FREM2: variants seen among roughly 807,000 people sequenced by gnomAD.
The protein encoded by FREM2 is FRAS1 related extracellular matrix 2, also known as FRAS1-related extracellular matrix protein 2.
Under a neutral mutation model 219.9 loss-of-function variants are expected in FREM2, and 119 were observed. The observed-to-expected ratio is 0.54, with a 90% CI of 0.47 to 0.63. FREM2 has a LOEUF of 0.63. FREM2 is among the 30% of genes least tolerant of loss of function. The pLI is 0.00. For synonymous variants in FREM2, 1,562 were observed against 1,522.8 expected (o/e 1.03, Z -0.60); for missense variants, 4,030 against 3,993.6 (o/e 1.01, Z -0.25).
At chr13:38,812,436 C>T (rs918235580) in intron 6 of FREM2, among the ~76,000 whole-genome samples, 1 of 152,076 alleles carries the variant, frequency 6.6e-6, no homozygotes, top group Non-Finnish European at 1.5e-5. Context: ...TAATGTCTTG[C>T]TTTTTATTTT....
chr13:38,754,901 G>GATGATGATTATTATTATTATTATTATT (rs56270131), intron 2 of FREM2, among the ~76,000 whole-genome samples: 17 of 128,664 alleles, frequency 1.3e-4, no homozygotes, highest in East Asian at 4.7e-4. Flanking sequence ...TGATGATGAT[G>GATGATGATTATTATTATTATTATTATT]ATTATTATTA....
At chr13:38,754,323 T>A (rs891818088) in intron 2 of FREM2, among the ~76,000 whole-genome samples, 2 of 152,174 alleles carry the variant, frequency 1.3e-5, no homozygotes, top group African/African-American at 4.8e-5. Flanking sequence ...GAGCTGATAG[T>A]AGAGGGAAAC....
In FREM2 at chr13:38,757,765, A is replaced by G. The variant is rs148479579; in HGVS notation, c.5264-6539A>G. On this transcript the variant is annotated intron_variant, in intron 2 of 23. Coordinates refer to ENST00000280481, the MANE Select transcript of FREM2 (RefSeq NM_207361.6). ...GCCACCAAGCCCAGCTAACTTTTGT[A>G]TTTTTAGTAGAGACGGGGTTTCACC... 4.5e-3 allele frequency among the ~76,000 whole-genome samples: 676 copies of G among 151,896 alleles called. 11 individuals are homozygous for G. The highest frequency in any genetic ancestry group is 0.015 in the African/African-American group (637 of 41,392).
At chr13:38,865,984 C>T (rs1877947906) in intron 16 of FREM2, among the ~76,000 whole-genome samples, 2 of 152,146 alleles carry the variant, frequency 1.3e-5, no homozygotes, top group South Asian at 4.1e-4. Flanking sequence ...AATAAAGGCT[C>T]ATATTAACAA....
Position 38,859,209 on chromosome 13 carries a change from C to G in FREM2, c.7216-78C>G. 6 of 1,435,772 alleles carry G rather than the reference C, an allele frequency of 4.2e-6. No individual in the cohort carries two copies. The African/African-American group carries it at 5.6e-5, about 13-fold the overall frequency. The allele number at this position is 1,435,772 out of a possible 1,614,324, so 88.9% of individuals were successfully genotyped here. On this transcript the variant is annotated intron_variant, in intron 13 of 23. Transcript: ENST00000280481. ...ATTGGGGAAAGCAGCAGTGAAAACT[C>G]GATGGCAGAGAACGGGAGAAGAATG...
Position 38,688,253 on chromosome 13 carries a change from C to A in FREM2, c.909C>A (p.Phe303Leu), listed in dbSNP as rs753388275. The part of the protein sequence containing the change: ...VGSPALKREH[F>L]QVLVRIRGGA... ...GCCCTGCTTTGAAACGCGAGCACTT[C>A]CAGGTTCTGGTGAGGATCCGAGGAG... Residue 303 changes from phenylalanine (F) to leucine (L), a missense_variant, in exon 1 of 24, where the codon TTC becomes TTA. Physicochemically the swap from Phe to Leu is conservative, Grantham distance 22. This residue lies in a region of FREM2 where 3,102 missense variants were observed against 2,950.7 expected (regional missense o/e 1.05). Coordinates refer to ENST00000280481, the MANE Select transcript of FREM2 (RefSeq NM_207361.6). 4 of 1,613,970 alleles carry A rather than the reference C, an allele frequency of 2.5e-6. No homozygotes were observed. The South Asian group carries it at 4.4e-5, about 18-fold the overall frequency.
chr13:38,723,513 G>C (rs932730607), intron 2 of FREM2, among the ~76,000 whole-genome samples: 3 of 152,284 alleles, frequency 2.0e-5, no homozygotes, highest in African/African-American at 7.2e-5. Flanking sequence ...CCTTCTGGTT[G>C]AGACATGTGT....
intron 3 of FREM2, among the ~76,000 whole-genome samples, chr13:38,765,468 G>C (rs1466430113): frequency 6.6e-6 from 1 of 152,108 alleles, no homozygotes; most frequent in Non-Finnish European, 1.5e-5. Flanking sequence ...AAAGTAAAAA[G>C]TTAGTAAACC....
chr13:38,700,123 C>T (rs1870285436), intron 2 of FREM2, among the ~76,000 whole-genome samples: 1 of 152,022 alleles, frequency 6.6e-6, no homozygotes, highest in African/African-American at 2.4e-5. Context: ...CAACCATCAT[C>T]CATGAATAAC....
chr13:38,803,997 A>G (rs146551586), intron 6 of FREM2, among the ~76,000 whole-genome samples: 2 of 152,162 alleles, frequency 1.3e-5, no homozygotes, highest in Non-Finnish European at 2.9e-5. Flanking sequence ...TTTGAATACA[A>G]TTATTTGCAT....
chr13:38,755,855 T>A (rs1019893930), intron 2 of FREM2, among the ~76,000 whole-genome samples: 1 of 152,220 alleles, frequency 6.6e-6, no homozygotes, highest in Non-Finnish European at 1.5e-5. Context: ...GCATATCACT[T>A]TCCCGTAGGC....
intron 6 of FREM2, among the ~76,000 whole-genome samples, chr13:38,792,553 TTTA>T (rs1874605315): frequency 6.6e-6 from 1 of 152,142 alleles, no homozygotes; most frequent in Non-Finnish European, 1.5e-5. Context: ...TTCTATGTTA[TTTA>T]TTATTGTTGT....
intron 6 of FREM2, among the ~76,000 whole-genome samples, chr13:38,815,200 T>G (rs1443616212): frequency 6.6e-6 from 1 of 152,200 alleles, no homozygotes; most frequent in African/African-American, 2.4e-5. Context: ...CTACTTCCCA[T>G]GAATTGTTTT....
At position 38,874,595 on chromosome 13, in the gene FREM2, C is replaced by T. The variant is rs542074736; in HGVS notation, c.8281+9C>T. On this transcript the variant is annotated intron_variant, in intron 18 of 23. Transcript: ENST00000280481. Reference sequence around the variant, plus strand: ...TGTGCTGTCACATCCCGGTAAGCCCCGTTATCTTTTAACAACCACTCCTCA... The same window carrying T: ...TGTGCTGTCACATCCCGGTAAGCCCTGTTATCTTTTAACAACCACTCCTCA... 7.8e-5 allele frequency: 126 copies of T among 1,607,770 alleles called. No homozygotes were observed. The South Asian group carries it at 1.1e-3, about 14-fold the overall frequency.
At chr13:38,746,976 A>G (rs1402385312) in intron 2 of FREM2, among the ~76,000 whole-genome samples, 1 of 152,160 alleles carries the variant, frequency 6.6e-6, no homozygotes, top group Admixed American at 6.6e-5. Flanking sequence ...TTCCAAAGCC[A>G]TCCAGATATT....
intron 6 of FREM2, among the ~76,000 whole-genome samples, chr13:38,834,365 G>A (rs1018719895): frequency 6.6e-6 from 1 of 152,116 alleles, no homozygotes; most frequent in Admixed American, 6.5e-5. Context: ...TTTTATGGCT[G>A]CATAGTATTC....
chr13:38,880,762 A>T lies in FREM2; in HGVS notation c.9485A>T (p.His3162Leu), dbSNP rs1878518687. 1 of 1,614,190 alleles carries T rather than the reference A, an allele frequency of 6.2e-7. No homozygotes were observed. The highest frequency in any genetic ancestry group is 8.5e-7 in the Non-Finnish European group (1 of 1,180,040). The change falls in exon 24 of 24, where the codon CAT (histidine) becomes CTT (leucine). Residue 3162 changes from histidine (H) to leucine (L), a missense_variant. Physicochemically the swap from His to Leu is moderately conservative, Grantham distance 99. Coordinates refer to ENST00000280481, the MANE Select transcript of FREM2 (RefSeq NM_207361.6). ...GAGCCCATGGTGCCCCCACAGAGCCATCACAATGACAGCTCAGAAGTTTGA... is the reference window on the plus strand; with the variant it reads ...GAGCCCATGGTGCCCCCACAGAGCCTTCACAATGACAGCTCAGAAGTTTGA... ...SSEPMVPPQS[H>L]HNDSSEV
At chr13:38,794,816 T>G (rs1043516118) in intron 6 of FREM2, among the ~76,000 whole-genome samples, 1 of 152,170 alleles carries the variant, frequency 6.6e-6, no homozygotes, top group Non-Finnish European at 1.5e-5. Flanking sequence ...TCAAATTTCA[T>G]TCATATGCAA....
At chr13:38,720,488 G>A (rs1871181705) in intron 2 of FREM2, among the ~76,000 whole-genome samples, 1 of 152,084 alleles carries the variant, frequency 6.6e-6, no homozygotes. Context: ...ACACACAAAA[G>A]CCTAGGTTTA....
Sources: allele counts gnomAD v4.1 joint callset (sites outside exome capture counted in the v4.1 genomes callset), GRCh38; gene constraint gnomAD v4.1.1; regional missense constraint gnomAD v4.1.1; transcripts MANE v1.5; gene names NCBI Gene and HGNC (gene_info 2026-07-23, HGNC 2026-07-21).